Variants in CCNQ observed in about 807,000 individuals in gnomAD.
The protein encoded by CCNQ is cyclin Q, also known as cyclin-Q.
Under a neutral mutation model 17.7 loss-of-function variants are expected in CCNQ, and 3 were observed. The observed-to-expected ratio is 0.17, with a 90% CI of 0.08 to 0.44. CCNQ has a LOEUF of 0.44. Among genes scored for constraint, CCNQ ranks in the 20% least tolerant of loss-of-function variants. The pLI, the probability that CCNQ is intolerant of heterozygous loss-of-function variation, is 0.99. For synonymous variants in CCNQ, 73 were observed against 96.0 expected (o/e 0.76, Z 1.40); for missense variants, 146 against 222.6 (o/e 0.66, Z 2.19).
rs192210399 is a variant in CCNQ, at chrX:153,592,277, G to T, written c.657+229C>A. 3.5e-5 allele frequency among the ~76,000 whole-genome samples: 4 copies of T among 113,226 alleles called. No individual in the cohort carries two copies. In the East Asian group the frequency reaches 1.1e-3, roughly 32 times the overall value. On this transcript the variant is annotated intron_variant, in intron 4 of 4. Transcript: ENST00000576892. ...ACCCTCCTCCCGGGACACCGGCGAC[G>T]TCGGTGGAGGCCAGCACTCCTGTTC...
intron 1 of CCNQ, 109 bp from the exon 2 acceptor site, chrX:153,596,296 A>C (rs2091028106): frequency 3.4e-6 from 3 of 876,055 alleles, no homozygotes; most frequent in Non-Finnish European, 5.0e-6. Flanking sequence ...TACTTGGACA[A>C]GGCTAAGAAC....
chrX:153,594,936 C>G (rs782571286), intron 2 of CCNQ, among the ~76,000 whole-genome samples: 1 of 112,320 alleles, frequency 8.9e-6, no homozygotes, highest in Admixed American at 9.4e-5. Context: ...TATCATTCAG[C>G]AAAATGTCAA....
chrX:153,598,037 A>T (rs1603164580), intron 1 of CCNQ, among the ~76,000 whole-genome samples: 1 of 111,444 alleles, frequency 9.0e-6, no homozygotes, highest in African/African-American at 3.3e-5. Flanking sequence ...CACCTTGGGT[A>T]GAAAGCACAT....
rs782498226 is a variant in CCNQ at position 153,594,641 on chromosome X, G to A, written c.335C>T (p.Ser112Phe). The A allele has an allele frequency of 5.0e-6, 6 of 1,211,601 alleles. No individual in the cohort carries two copies. Among genetic ancestry groups the A allele is most frequent in the Admixed American group, 2.2e-5 (1 of 46,082 alleles). The stretch of plus-strand genomic sequence containing the variant: ...GCTGTCCCGGAGTTCCCAGAAGCGG[G>A]AGTCCAATTCCAGGGGCTCACCGCT... ...NPSGEPLELDSRFWELRDSIV... is the reference protein window; with the variant it reads ...NPSGEPLELDFRFWELRDSIV... Residue 112 changes from serine (S) to phenylalanine (F), a missense_variant, in exon 3 of 5, where the codon TCC (serine) becomes TTC (phenylalanine). By Grantham distance (155) the Ser-to-Phe change is radical. Transcript: ENST00000576892.
chrX:153,596,234 T>G, intron 1 of CCNQ, 47 bp from the exon 2 acceptor site: 1 of 1,172,745 alleles, frequency 8.5e-7, no homozygotes, highest in Non-Finnish European at 1.2e-6. Context: ...CAGCGCTGGC[T>G]CACTGCTCCA....
At chrX:153,595,181 A>G (rs1244822250) in intron 2 of CCNQ, among the ~76,000 whole-genome samples, 1 of 113,482 alleles carries the variant, frequency 8.8e-6, no homozygotes, top group Non-Finnish European at 1.9e-5. Flanking sequence ...ACAGTGGTGC[A>G]GCCACAGCTC....
chrX:153,599,099 A>C lies in CCNQ; in HGVS notation c.-26T>G. ...GAGGCGCCGCGGCACCGGCGGAAGG[A>C]GAGGCGGCCCCGGCGCGCAGAAGCC... On this transcript the variant is annotated 5_prime_UTR_variant, in exon 1 of 5. Transcript: ENST00000576892. 1 of 868,937 alleles carries C rather than the reference A, an allele frequency of 1.2e-6. No homozygotes were observed. Among genetic ancestry groups the C allele is most frequent in the Non-Finnish European group, 1.5e-6 (1 of 684,778 alleles). 71.6% of individuals were successfully genotyped at this position (868,937 alleles called of 1,213,427 possible). A position where few individuals can be genotyped will look rare whatever the true frequency, so the allele number is the denominator to read the frequency against.
In CCNQ at chrX:153,592,589, C is replaced by T. The variant is rs1432027234; in HGVS notation, c.574G>A (p.Ala192Thr). The T allele has an allele frequency of 8.3e-7, 1 of 1,210,770 alleles. No individual in the cohort carries two copies. Among genetic ancestry groups the T allele is most frequent in the Non-Finnish European group, 1.1e-6 (1 of 895,208 alleles). The part of the protein sequence containing the change: ...LCLRFQAQHI[A>T]VAVLYLALQV... ...AGGGCCAGGTAGAGCACCGCCACGG[C>T]GATGTGCTGGGCCTGGAAGCGGAGG... Residue 192 changes from alanine (A) to threonine (T), a missense_variant, in exon 4 of 5, where the codon GCC (alanine) becomes ACC (threonine). Ala to Thr is a moderately conservative substitution (Grantham distance 58). Transcript: ENST00000576892.
intron 4 of CCNQ, among the ~76,000 whole-genome samples, chrX:153,590,497 T>G (rs781837296): frequency 4.3e-4 from 47 of 110,312 alleles, no homozygotes; most frequent in South Asian, 3.1e-3. Flanking sequence ...CAGTGGAAGG[T>G]TGGGTGCCAG....
chrX:153,599,064 G>A lies in CCNQ; in HGVS notation c.10C>T (p.Pro4Ser). MEA[P>S]EGGGGGPAAR... ...GCAGGCCCCCCTCCGCCGCCCTCCG[G>A]GGCTTCCATGAGGCGCCGCGGCACC... Residue 4 changes from proline (P) to serine (S), a missense_variant, in exon 1 of 5, where the codon CCG (proline) becomes TCG (serine). Physicochemically the swap from Pro to Ser is moderately conservative, Grantham distance 74 (BLOSUM62 -1). Coordinates refer to ENST00000576892, the MANE Select transcript of CCNQ (RefSeq NM_152274.5). The A allele has an allele frequency of 9.6e-7, 1 of 1,045,507 alleles. No individual in the cohort carries two copies. Among genetic ancestry groups the A allele is most frequent in the Non-Finnish European group, 1.2e-6 (1 of 811,543 alleles). The allele number at this position is 1,045,507 out of a possible 1,213,427, so 86.2% of individuals were successfully genotyped here.
intron 4 of CCNQ, among the ~76,000 whole-genome samples, chrX:153,591,953 T>C (rs2090994496): frequency 9.1e-6 from 1 of 110,007 alleles, no homozygotes; most frequent in African/African-American, 3.3e-5. Context: ...GGGCTACCTC[T>C]ATGCAGAACA....
intron 4 of CCNQ, among the ~76,000 whole-genome samples, chrX:153,590,252 A>G (rs2090981979): frequency 9.5e-6 from 1 of 105,344 alleles, no homozygotes; most frequent in African/African-American, 3.5e-5. Flanking sequence ...AAAAAAAAAA[A>G]AAAAAGCAAG....
chrX:153,595,623 T>C (rs1478201109), intron 2 of CCNQ, among the ~76,000 whole-genome samples: 2 of 112,912 alleles, frequency 1.8e-5, no homozygotes, highest in African/African-American at 6.4e-5. Flanking sequence ...AACTGGGACC[T>C]ACCACCTGGC....
At chrX:153,592,792 A>C (rs1462462812) in intron 3 of CCNQ, 59 bp from the exon 4 acceptor site, 15 of 1,025,631 alleles carry the variant, frequency 1.5e-5, no homozygotes, top group Non-Finnish European at 1.9e-5. Context: ...ATGCTGACAT[A>C]ATCATATCAG....
chrX:153,592,587 G>A lies in CCNQ; in HGVS notation c.576C>T (p.Ala192=), dbSNP rs369691224. ...LCLRFQAQHI[A]VAVLYLALQV... is the part of the protein sequence containing the mutation. ...GCAGGGCCAGGTAGAGCACCGCCAC[G>A]GCGATGTGCTGGGCCTGGAAGCGGA... Residue 192 remains alanine, a synonymous_variant, in exon 4 of 5, where the codon GCC becomes GCT. Transcript: ENST00000576892. The A allele has an allele frequency of 9.9e-6, 12 of 1,210,791 alleles. No homozygotes were observed. Among genetic ancestry groups the A allele is most frequent in the East Asian group, 5.9e-5 (2 of 33,775 alleles).
chrX:153,590,522 G>A (rs1464229446), intron 4 of CCNQ, among the ~76,000 whole-genome samples: 1 of 111,240 alleles, frequency 9.0e-6, no homozygotes, highest in Non-Finnish European at 1.9e-5. Context: ...TTGGGGGTGG[G>A]GAGTTGGGGT....
intron 3 of CCNQ, 89 bp downstream of exon 3, chrX:153,594,458 C>T (rs1316731468): frequency 5.7e-5 from 62 of 1,083,962 alleles, no homozygotes; most frequent in Non-Finnish European, 7.8e-5. Context: ...GCTGTGCTCT[C>T]GAGTATGAGA....
At chrX:153,596,830 C>T (rs1413724918) in intron 1 of CCNQ, among the ~76,000 whole-genome samples, 1 of 112,370 alleles carries the variant, frequency 8.9e-6, no homozygotes, top group Non-Finnish European at 1.9e-5. Context: ...GGGAAGGACA[C>T]CAGCACATTG....
chrX:153,592,852 C>A, intron 3 of CCNQ, 119 bp from the exon 4 acceptor site: 1 of 685,894 alleles, frequency 1.5e-6, no homozygotes, highest in Non-Finnish European at 2.3e-6. Flanking sequence ...GAAGAAGCCC[C>A]AAGGCCTTCT....
Sources: gnomAD v4.1 joint callset for allele counts (sites outside exome capture counted in the v4.1 genomes callset) on GRCh38, gnomAD v4.1.1 for gene constraint, MANE v1.5 for transcripts, NCBI Gene and HGNC (gene_info 2026-07-23, HGNC 2026-07-21) for gene names.